Variants in HAVCR1 observed in about 807,000 individuals in gnomAD.
HAVCR1 encodes hepatitis A virus cellular receptor 1.
A neutral mutation model predicts 32.0 loss-of-function variants in HAVCR1; 34 were observed. The observed-to-expected ratio is 1.06, with a 90% CI of 0.81 to 1.42. HAVCR1 has a LOEUF of 1.42. Among genes scored for constraint, HAVCR1 ranks in the 40% most tolerant of loss-of-function variants. The probability of loss-of-function intolerance (pLI) is 0.00; values close to 1 mark genes in which losing one functional copy is unlikely to be tolerated. For synonymous variants in HAVCR1, 178 were observed against 170.3 expected (o/e 1.05, Z -0.35); for missense variants, 420 against 442.3 (o/e 0.95, Z 0.45).
At chr5:157,057,221 G>A (rs557125611) in intron 2 of HAVCR1, among the ~76,000 whole-genome samples, 4 of 151,616 alleles carry the variant, frequency 2.6e-5, no homozygotes, top group African/African-American at 9.7e-5. Flanking sequence ...GGAGACTGAG[G>A]CAGAGAATTG....
At chr5:157,038,987 T>C (rs1044614677) in intron 6 of HAVCR1, among the ~76,000 whole-genome samples, 1 of 152,054 alleles carries the variant, frequency 6.6e-6, no homozygotes, top group African/African-American at 2.4e-5. Flanking sequence ...GGCGTGGTGA[T>C]GCATGCCTGT....
intron 7 of HAVCR1, among the ~76,000 whole-genome samples, chr5:157,033,882 A>G (rs963769541): frequency 6.6e-6 from 1 of 152,122 alleles, no homozygotes; most frequent in Non-Finnish European, 1.5e-5. Context: ...TGAAAACCCC[A>G]TCTCTACTAA....
In HAVCR1 at chr5:157,029,496, G is replaced by A. The variant is rs1754037137; in HGVS notation, c.*237C>T. Reference sequence around the variant, plus strand: ...TTCATATTTGAGAGAAAACTGCAATGATCAGAAGGATTGAGCCAGTTTTAG... The same window carrying A: ...TTCATATTTGAGAGAAAACTGCAATAATCAGAAGGATTGAGCCAGTTTTAG... On this transcript the variant is annotated 3_prime_UTR_variant, in exon 9 of 9. Transcript: ENST00000523175. The A allele has an allele frequency of 2.2e-6, 2 of 901,138 alleles. No homozygotes were observed. Among genetic ancestry groups the A allele is most frequent in the African/African-American group, 1.7e-5 (1 of 60,368 alleles). The allele number at this position is 901,138 out of a possible 1,614,324, so 55.8% of individuals were successfully genotyped here.
At chr5:157,068,579 T>A in the HAVCR1 span, among the ~76,000 whole-genome samples, 1 of 152,112 alleles carries the variant, frequency 6.6e-6, no homozygotes, top group African/African-American at 2.4e-5. Context: ...AAAGCAAGAC[T>A]CTGTCATAAA....
At chr5:157,049,581 C>T (rs960942521) in intron 4 of HAVCR1, among the ~76,000 whole-genome samples, 1 of 152,198 alleles carries the variant, frequency 6.6e-6, no homozygotes, top group African/African-American at 2.4e-5. Flanking sequence ...GGAATTTGCA[C>T]TAACATGCCC....
At position 157,049,066 on chromosome 5, in the gene HAVCR1, G is replaced by A. The variant is rs768255445; in HGVS notation, c.753C>T (p.Thr251=). 3 of 1,608,796 alleles carry A rather than the reference G, an allele frequency of 1.9e-6. No homozygotes were observed. In the Admixed American group the frequency reaches 5.0e-5, roughly 27 times the overall value. ...TLQGAIRREP[T]SSPLYSYTTD... ...TTGTGTAAGAGTACAATGGTGAGCT[G>A]GTGGGTTCTCTCCTTATTGCTCCCT... Residue 251 remains threonine (T), a synonymous_variant, in exon 5 of 9, where the codon ACC becomes ACT. Coordinates refer to ENST00000523175, the MANE Select transcript of HAVCR1 (RefSeq NM_001173393.3).
At chr5:157,033,733 A>T (rs112647479) in intron 7 of HAVCR1, among the ~76,000 whole-genome samples, 103 of 152,150 alleles carry the variant, frequency 6.8e-4, no homozygotes, top group African/African-American at 2.3e-3. Flanking sequence ...TTCCTCTAAA[A>T]TTGTCTACAT....
intron 8 of HAVCR1, among the ~76,000 whole-genome samples, chr5:157,032,199 A>G (rs933137007): frequency 2.0e-5 from 3 of 152,214 alleles, no homozygotes; most frequent in African/African-American, 7.2e-5. Flanking sequence ...AGCATCGAAT[A>G]TGGTGAAACC....
intron 2 of HAVCR1, among the ~76,000 whole-genome samples, chr5:157,057,412 A>T (rs1756251554): frequency 7.4e-6 from 1 of 134,770 alleles, no homozygotes; most frequent in African/African-American, 2.7e-5. Flanking sequence ...AGAAAGAAAG[A>T]AAGAAAGAAA....
At chr5:157,056,848 G>T (rs542981452) in intron 2 of HAVCR1, among the ~76,000 whole-genome samples, 6 of 152,040 alleles carry the variant, frequency 3.9e-5, no homozygotes, top group Non-Finnish European at 7.3e-5. Context: ...TAAAAATTAG[G>T]ATATGTCTAT....
At chr5:157,067,136 G>A in the HAVCR1 span, among the ~76,000 whole-genome samples, 3 of 152,216 alleles carry the variant, frequency 2.0e-5, no homozygotes, top group Non-Finnish European at 4.4e-5. Context: ...AGGTATCACT[G>A]GAAGTAGGAG....
At chr5:157,051,961 T>C (rs188006965) in intron 4 of HAVCR1, among the ~76,000 whole-genome samples, 28 of 152,304 alleles carry the variant, frequency 1.8e-4, no homozygotes, top group Admixed American at 1.8e-3. Flanking sequence ...GACTAAATGA[T>C]CTCTCTTCAG....
At chr5:157,031,322 T>A (rs1005949006) in intron 8 of HAVCR1, among the ~76,000 whole-genome samples, 1 of 152,144 alleles carries the variant, frequency 6.6e-6, no homozygotes, top group African/African-American at 2.4e-5. Context: ...AAAGTCTGTG[T>A]ACAAGCATCC....
rs926787006 is a variant in HAVCR1 at position 157,050,762 on chromosome 5, C to A, written c.673+1599G>T. On this transcript the variant is annotated intron_variant, in intron 4 of 8. Coordinates refer to ENST00000523175, the MANE Select transcript of HAVCR1 (RefSeq NM_001173393.3). ...AGTCTAACAGACTCTCTAGTGTGTG[C>A]GGCTGCCTGGAACAAAACTGTTTTT... Among the ~76,000 whole-genome samples, 4 of 152,172 alleles carry A rather than the reference C, an allele frequency of 2.6e-5. No individual in the cohort carries two copies. In the South Asian group the frequency reaches 8.3e-4, roughly 32 times the overall value.
chr5:157,030,833 T>G (rs908582035), intron 8 of HAVCR1, among the ~76,000 whole-genome samples: 1 of 152,190 alleles, frequency 6.6e-6, no homozygotes, highest in Non-Finnish European at 1.5e-5. Flanking sequence ...ATGAAACACA[T>G]GTCCACACAT....
chr5:157,040,672 G>C (rs979412599), intron 6 of HAVCR1, among the ~76,000 whole-genome samples: 1 of 152,186 alleles, frequency 6.6e-6, no homozygotes, highest in Non-Finnish European at 1.5e-5. Flanking sequence ...GGCCAAGGCA[G>C]GCAGATCACC....
chr5:157,038,214 G>A (rs1165025381), intron 6 of HAVCR1, among the ~76,000 whole-genome samples: 1 of 152,126 alleles, frequency 6.6e-6, no homozygotes, highest in East Asian at 1.9e-4. Context: ...TCAACGCTAT[G>A]CAATCATGAA....
intron 5 of HAVCR1, among the ~76,000 whole-genome samples, chr5:157,045,101 C>T (rs538183190): frequency 1.3e-5 from 2 of 151,860 alleles, no homozygotes; most frequent in South Asian, 4.2e-4. Context: ...ATATACATAC[C>T]TATGATAAAA....
At chr5:157,064,295 T>A in the HAVCR1 span, among the ~76,000 whole-genome samples, 1 of 146,058 alleles carries the variant, frequency 6.8e-6, no homozygotes, top group African/African-American at 2.6e-5. Context: ...GGAGGACTGC[T>A]TGAGCCCAGG....
Sources: gnomAD v4.1 joint callset for allele counts (sites outside exome capture counted in the v4.1 genomes callset) on GRCh38, gnomAD v4.1.1 for gene constraint, MANE v1.5 for transcripts, NCBI Gene and HGNC (gene_info 2026-07-23, HGNC 2026-07-21) for gene names.